Variants in ATP13A3 observed in about 807,000 individuals in gnomAD.
The protein encoded by ATP13A3 is polyamine-transporting ATPase 13A3.
A neutral mutation model predicts 158.1 loss-of-function variants in ATP13A3; 59 were observed. That is an observed-to-expected ratio of 0.37 (90% CI 0.30 to 0.46). The LOEUF is 0.46. Among genes scored for constraint, ATP13A3 ranks in the 20% least tolerant of loss-of-function variants. The pLI is 1.00. For synonymous variants in ATP13A3, 491 were observed against 504.3 expected, an observed-to-expected ratio of 0.97 and a Z score of 0.35; for missense variants, 1,166 against 1,525.2, an observed-to-expected ratio of 0.76 and a Z score of 3.92.
chr3:194,438,844 G>A lies in ATP13A3; in HGVS notation c.1827+12C>T. 1 of 1,505,502 alleles carries A rather than the reference G, an allele frequency of 6.6e-7. No homozygotes were observed. The highest frequency in any genetic ancestry group is 9.1e-7 in the Non-Finnish European group (1 of 1,099,762). 93.3% of individuals were successfully genotyped at this position (1,505,502 alleles called of 1,614,324 possible). The stretch of plus-strand genomic sequence containing the variant: ...CACCAACAGTTTTATCTAGCTTTAA[G>A]TGATTTCTCACCATTTCTTGGTTTC... On this transcript the variant is annotated intron_variant, in intron 17 of 33. Coordinates refer to ENST00000645319, the MANE Select transcript of ATP13A3 (RefSeq NM_001367549.1).
Position 194,404,434 on chromosome 3 carries a change from A to C in ATP13A3, c.*1485T>G, listed in dbSNP as rs1714802317. 1 of 197,638 alleles carries C rather than the reference A, an allele frequency of 5.1e-6. No homozygotes were observed. Among genetic ancestry groups the C allele is most frequent in the Non-Finnish European group, 1.0e-5 (1 of 96,564 alleles). The allele number at this position is 197,638 out of a possible 1,614,324, so 12.2% of individuals were successfully genotyped here. A position where few individuals can be genotyped will look rare whatever the true frequency, so the allele number is the denominator to read the frequency against. ...GGTAAAATTTGGTAAATTTGTAAAT[A>C]TATGTTGGGAAAAGAATGATCAGCT... is the stretch of plus-strand genomic sequence containing the variant. On this transcript the variant is annotated 3_prime_UTR_variant, in exon 34 of 34. Transcript: ENST00000645319.
Position 194,417,446 on chromosome 3 carries a change from A to AC in ATP13A3, c.3402+2432_3402+2433insG, listed in dbSNP as rs1560072223. 1.4e-4 allele frequency among the ~76,000 whole-genome samples: 12 copies of AC among 84,140 alleles called. No homozygotes were observed. In the East Asian group the frequency reaches 3.5e-3, roughly 24 times the overall value. The allele number at this position is 84,140 out of a possible 152,430, so 55.2% of individuals were successfully genotyped here. A position where few individuals can be genotyped will look rare whatever the true frequency, so the allele number is the denominator to read the frequency against. On this transcript the variant is annotated intron_variant, in intron 31 of 33. Transcript: ENST00000645319. Reference sequence around the variant, plus strand: ...ACACACACACACACACACACACACAAAAGGAGGAAGAAGGAAAGCTCAAGC... The same window carrying AC: ...ACACACACACACACACACACACACAACAAGGAGGAAGAAGGAAAGCTCAAGC...
chr3:194,460,615 T>C (rs1244675319), intron 4 of ATP13A3, 43 bp downstream of exon 4: 1 of 1,586,662 alleles, frequency 6.3e-7, no homozygotes, highest in Non-Finnish European at 8.6e-7. Context: ...AGACATTGTT[T>C]TACTCCTTAA....
intron 30 of ATP13A3, among the ~76,000 whole-genome samples, chr3:194,421,268 G>A (rs1022796759): frequency 7.1e-6 from 1 of 141,722 alleles, no homozygotes; most frequent in African/African-American, 2.7e-5. Context: ...TAAAAAAAAT[G>A]TGGGGCTGGG....
chr3:194,423,502 G>A (rs144211573), intron 30 of ATP13A3, among the ~76,000 whole-genome samples: 2 of 152,292 alleles, frequency 1.3e-5, no homozygotes, highest in South Asian at 2.1e-4. Flanking sequence ...CAGACAAGAG[G>A]TGAAAACTGG....
At chr3:194,413,920 T>C (rs187384709) in intron 31 of ATP13A3, 81 bp from the exon 32 acceptor site, 98 of 1,249,376 alleles carry the variant, frequency 7.8e-5, no homozygotes, top group Admixed American at 5.4e-4. Context: ...TCTAAATTTA[T>C]TGAATTCCTA....
In ATP13A3 at chr3:194,449,778, C is replaced by G. The variant is rs73071128; in HGVS notation, c.970+367G>C. Among the ~76,000 whole-genome samples the G allele has an allele frequency of 1.4e-3, 213 of 152,116 alleles. 1 individual carries two copies. The highest frequency in any genetic ancestry group is 4.8e-3 in the African/African-American group (199 of 41,498). ...TTTTAAAGCCTGTATCTCCTCAGTT[C>G]AAGAAAAATATAAAATCTTTCTTTA... On this transcript the variant is annotated intron_variant, in intron 11 of 33. Coordinates refer to ENST00000645319, the MANE Select transcript of ATP13A3 (RefSeq NM_001367549.1).
At chr3:194,419,778 T>A in intron 31 of ATP13A3, 101 bp downstream of exon 31, 1 of 1,485,194 alleles carries the variant, frequency 6.7e-7, no homozygotes. Flanking sequence ...TGGGTTAATA[T>A]AACAGCATCT....
intron 2 of ATP13A3, among the ~76,000 whole-genome samples, chr3:194,476,770 T>TTTTTGG: frequency 6.8e-6 from 1 of 146,886 alleles, no homozygotes; most frequent in African/African-American, 2.7e-5. Context: ...GTTGTTGTTT[T>TTTTTGG]TTTTTTTTTT....
At chr3:194,450,342 T>G in intron 10 of ATP13A3, 66 bp from the exon 11 acceptor site, 5 of 1,481,124 alleles carry the variant, frequency 3.4e-6, no homozygotes, top group Non-Finnish European at 4.6e-6. Flanking sequence ...ATACAGCAAA[T>G]GCTATTCAGA....
intron 20 of ATP13A3, among the ~76,000 whole-genome samples, chr3:194,435,418 T>C (rs113285371): frequency 1.1e-4 from 16 of 151,428 alleles, no homozygotes; most frequent in African/African-American, 3.9e-4. Context: ...ATTCAAGATA[T>C]AAAGGCTTAA....
chr3:194,430,413 A>T, intron 24 of ATP13A3, 98 bp from the exon 25 acceptor site: 1 of 1,295,210 alleles, frequency 7.7e-7, no homozygotes, highest in Non-Finnish European at 1.1e-6. Flanking sequence ...TAAAGAGCTA[A>T]CACACCAAGA....
chr3:194,417,981 AAGGAAGGG>A (rs201564544), intron 31 of ATP13A3, among the ~76,000 whole-genome samples: 261 of 119,454 alleles, frequency 2.2e-3, no homozygotes, highest in African/African-American at 7.0e-3. Context: ...GGAAGGAAGG[AAGGAAGGG>A]AGGGAGGGAG....
rs980366126 is a variant in ATP13A3, at chr3:194,427,636, A to AATAT, written c.2948-385_2948-384insATAT. 9.3e-4 allele frequency among the ~76,000 whole-genome samples: 8 copies of AATAT among 8,648 alleles called. No homozygotes were observed. In the African/African-American group the frequency reaches 0.013, roughly 14 times the overall value. 5.7% of individuals were successfully genotyped at this position (8,648 alleles called of 152,430 possible). A position where few individuals can be genotyped will look rare whatever the true frequency, so the allele number is the denominator to read the frequency against. On this transcript the variant is annotated intron_variant, in intron 28 of 33. Transcript: ENST00000645319. ...CAACATAGTGAAACCCCATCTCTAC[A>AATAT]ATAAATAAATAAATAAATAAATAAA... is the stretch of plus-strand genomic sequence containing the variant.
intron 17 of ATP13A3, among the ~76,000 whole-genome samples, chr3:194,437,917 T>C (rs963244168): frequency 1.3e-5 from 2 of 152,114 alleles, no homozygotes; most frequent in African/African-American, 2.4e-5. Flanking sequence ...CCCAGCACTT[T>C]GGGAGGCCAA....
intron 15 of ATP13A3, among the ~76,000 whole-genome samples, 183 bp from the exon 16 acceptor site, chr3:194,441,644 T>G (rs1718059790): frequency 6.6e-6 from 1 of 151,640 alleles, no homozygotes. Context: ...GGTGTGAACT[T>G]GAGCTGATGC....
chr3:194,481,475 G>C (rs1720747843), intron 2 of ATP13A3, among the ~76,000 whole-genome samples: 1 of 152,076 alleles, frequency 6.6e-6, no homozygotes, highest in Admixed American at 6.5e-5. Context: ...CTAGAGAAAG[G>C]ATCTGGGGTT....
At chr3:194,449,982 T>C (rs1163729133) in intron 11 of ATP13A3, among the ~76,000 whole-genome samples, 163 bp downstream of exon 11, 1 of 151,984 alleles carries the variant, frequency 6.6e-6, no homozygotes, top group Non-Finnish European at 1.5e-5. Flanking sequence ...TACAGCTGAG[T>C]ATAATGCAGA....
At chr3:194,438,307 T>C (rs1488220897) in intron 17 of ATP13A3, among the ~76,000 whole-genome samples, 1 of 152,244 alleles carries the variant, frequency 6.6e-6, no homozygotes, top group African/African-American at 2.4e-5. Flanking sequence ...TACTTATACA[T>C]GTAAAAAAAA....
Sources: allele counts gnomAD v4.1 joint callset (sites outside exome capture counted in the v4.1 genomes callset), GRCh38; gene constraint gnomAD v4.1.1; transcripts MANE v1.5; gene names NCBI Gene and HGNC (gene_info 2026-07-23, HGNC 2026-07-21).